DAPK2: variants seen among roughly 807,000 people sequenced by gnomAD.
DAPK2 encodes the protein death associated protein kinase 2.
Under a neutral mutation model 44.1 loss-of-function variants are expected in DAPK2, and 35 were observed. The ratio of observed to expected loss-of-function variants is 0.79; its 90% CI spans 0.61 to 1.05. The LOEUF is 1.05. Among genes scored for constraint, DAPK2 ranks in the 50% least tolerant of loss-of-function variants. The pLI is 0.00. For missense variants in DAPK2, 453 were observed against 483.2 expected (o/e 0.94, Z 0.59); for synonymous variants, 174 against 182.6 (o/e 0.95, Z 0.38).
intron 1 of DAPK2, among the ~76,000 whole-genome samples, chr15:64,003,414 A>G (rs2079149226): frequency 6.6e-6 from 1 of 152,270 alleles, no homozygotes; most frequent in Admixed American, 6.5e-5. Flanking sequence ...ACCTAGACAC[A>G]CTTTGCAGAC....
intron 1 of DAPK2, among the ~76,000 whole-genome samples, chr15:64,006,409 G>C (rs993173415): frequency 1.3e-5 from 2 of 152,126 alleles, no homozygotes; most frequent in African/African-American, 4.8e-5. Context: ...CTTATATCAT[G>C]TCCTGGTCTA....
intron 1 of DAPK2, among the ~76,000 whole-genome samples, chr15:64,008,103 C>T (rs570989904): frequency 5.3e-5 from 8 of 152,188 alleles, no homozygotes; most frequent in African/African-American, 1.9e-4. Flanking sequence ...ATGATGGTCA[C>T]ACAACTCTGA....
chr15:63,982,187 C>CTTTT (rs5813271), intron 2 of DAPK2, among the ~76,000 whole-genome samples: 19 of 107,800 alleles, frequency 1.8e-4, no homozygotes, highest in Non-Finnish European at 2.5e-4. Flanking sequence ...TCAGAATATT[C>CTTTT]TTTTTTTTTT....
chr15:63,936,273 G>T (rs2077144441), intron 4 of DAPK2, among the ~76,000 whole-genome samples: 1 of 152,140 alleles, frequency 6.6e-6, no homozygotes, highest in Non-Finnish European at 1.5e-5. Context: ...AGCTTTTGGG[G>T]GTGGGACAGG....
Position 63,949,447 on chromosome 15 carries a change from CTCCCT to C in DAPK2, c.454-10091_454-10087del, listed in dbSNP as rs1048392197. The stretch of plus-strand genomic sequence containing the variant: ...ACACCACCAGCATTTGCCTTGGGCT[CTCCCT>C]TCCCTTCCCTTTATCAGACCCTCAA... On this transcript the variant is annotated intron_variant, in intron 3 of 10. Transcript: ENST00000261891. Among the ~76,000 whole-genome samples, 27 of 152,204 alleles carry C rather than the reference CTCCCT, an allele frequency of 1.8e-4. 1 individual carries two copies. Among genetic ancestry groups the C allele is most frequent in the African/African-American group, 6.3e-4 (26 of 41,460 alleles).
chr15:64,045,240 G>C (rs529888990), upstream of DAPK2, among the ~76,000 whole-genome samples: 180 of 152,300 alleles, frequency 1.2e-3, 1 homozygote, highest in African/African-American at 4.3e-3. Context: ...CTCTGCCCAA[G>C]TCTCCTCTGA....
chr15:63,936,768 C>T (rs1344803238), intron 4 of DAPK2, among the ~76,000 whole-genome samples: 4 of 151,996 alleles, frequency 2.6e-5, no homozygotes, highest in Non-Finnish European at 5.9e-5. Flanking sequence ...TCACTTGAAT[C>T]CGGGAGTTTG....
At chr15:63,964,779 TTC>T (rs762448094) in intron 3 of DAPK2, among the ~76,000 whole-genome samples, 6 of 152,116 alleles carry the variant, frequency 3.9e-5, no homozygotes, top group Non-Finnish European at 5.9e-5. Context: ...CTTCCAGAAT[TTC>T]TGTTTGATTC....
intron 3 of DAPK2, among the ~76,000 whole-genome samples, chr15:63,942,035 C>T (rs1358064016): frequency 6.6e-6 from 1 of 152,226 alleles, no homozygotes; most frequent in Non-Finnish European, 1.5e-5. Flanking sequence ...ATGGCCCAGC[C>T]CTCCCGACCA....
chr15:64,007,191 C>G (rs2079257259), intron 1 of DAPK2, among the ~76,000 whole-genome samples: 1 of 152,042 alleles, frequency 6.6e-6, no homozygotes, highest in Non-Finnish European at 1.5e-5. Flanking sequence ...TCCTGAACTC[C>G]TGGTCTCCAG....
intron 1 of DAPK2, among the ~76,000 whole-genome samples, chr15:63,996,793 G>A (rs1164785036): frequency 1.3e-5 from 2 of 152,210 alleles, no homozygotes; most frequent in African/African-American, 4.8e-5. Context: ...GGACTACTCA[G>A]GCAATCATGT....
intron 4 of DAPK2, among the ~76,000 whole-genome samples, chr15:63,935,089 C>CTTTTTTTTTTTTTT (rs35739549): frequency 8.0e-6 from 1 of 124,478 alleles, no homozygotes; most frequent in African/African-American, 3.1e-5. Flanking sequence ...TCTTTGCCTT[C>CTTTTTTTTTTTTTT]TTTTTTTTTT....
At chr15:63,929,749 G>A in intron 5 of DAPK2, 172 bp from the exon 7 acceptor site, 1 of 781,528 alleles carries the variant, frequency 1.3e-6, no homozygotes, top group Non-Finnish European at 2.2e-6. Context: ...AGCAGCCCGG[G>A]GTGTGTTTGG....
rs1034533691 is a variant in DAPK2 at position 63,911,686 on chromosome 15, T to C, written c.1032+222A>G. 6.9e-6 allele frequency: 4 copies of C among 583,398 alleles called. No homozygotes were observed. The African/African-American group carries it at 7.5e-5, about 11-fold the overall frequency. 36.1% of individuals were successfully genotyped at this position (583,398 alleles called of 1,614,324 possible). ...TGGGAGATCCTCCAGGAGTTCATGC[T>C]GCTGCATCAGTGGTCCCCTCCCGGC... On this transcript the variant is annotated intron_variant, in intron 10 of 10. Transcript: ENST00000261891.
At chr15:64,005,222 G>A (rs536732657) in intron 1 of DAPK2, among the ~76,000 whole-genome samples, 14 of 152,084 alleles carry the variant, frequency 9.2e-5, no homozygotes, top group African/African-American at 3.1e-4. Flanking sequence ...GAAGCCAAGA[G>A]GCTCTTCTCA....
In DAPK2 at chr15:63,939,114, T is replaced by C. The variant is rs1355724325; in HGVS notation, c.583+118A>G. 7.3e-6 allele frequency: 11 copies of C among 1,496,918 alleles called. No homozygotes were observed. The East Asian group carries it at 2.3e-4, about 31-fold the overall frequency. 92.7% of individuals were successfully genotyped at this position (1,496,918 alleles called of 1,614,324 possible). A position where few individuals can be genotyped will look rare whatever the true frequency, so the allele number is the denominator to read the frequency against. ...TCCCCACCCATTAGGTTTCTAGAGA[T>C]GTCCCAATGCATCATCTCTTTGCTC... On this transcript the variant is annotated intron_variant, in intron 4 of 10. Coordinates refer to ENST00000261891, the Ensembl canonical transcript of DAPK2. The surrounding 1 kb of genome is among the most constrained non-coding windows in gnomAD (Gnocchi z 4.3).
intron 7 of DAPK2, 84 bp downstream of exon 8, chr15:63,925,857 G>A: frequency 6.5e-7 from 1 of 1,548,602 alleles, no homozygotes; most frequent in South Asian, 1.1e-5. Context: ...CTATGTCAAA[G>A]TGGGGACATA....
At chr15:64,027,737 C>T (rs181525138) in intron 1 of DAPK2, among the ~76,000 whole-genome samples, 37 of 152,180 alleles carry the variant, frequency 2.4e-4, no homozygotes, top group African/African-American at 8.4e-4. Context: ...AACAAAAATA[C>T]ACAAAAACAA....
chr15:64,034,279 C>A (rs1315888653), intron 1 of DAPK2, among the ~76,000 whole-genome samples: 7 of 152,142 alleles, frequency 4.6e-5, no homozygotes, highest in Non-Finnish European at 1.0e-4. Context: ...AAGAAGGTGT[C>A]CTGGCTAAGC....
Sources: allele counts gnomAD v4.1 joint callset (sites outside exome capture counted in the v4.1 genomes callset), GRCh38; gene constraint gnomAD v4.1.1; non-coding constraint Gnocchi (gnomAD v3.1); transcripts MANE v1.5; gene names NCBI Gene and HGNC (gene_info 2026-07-23, HGNC 2026-07-21).